MAPK14: variants seen among roughly 807,000 people sequenced by gnomAD.
MAPK14 encodes the protein mitogen-activated protein kinase 14.
MAPK14 carries 16 observed loss-of-function variants against 49.6 expected under a neutral mutation model. The ratio of observed to expected loss-of-function variants is 0.32; its 90% CI spans 0.22 to 0.49. The LOEUF (loss-of-function observed/expected upper bound fraction) is 0.49. Among genes scored for constraint, MAPK14 ranks in the 20% least tolerant of loss-of-function variants. The pLI is 0.99. For synonymous variants in MAPK14, 142 were observed against 158.0 expected (o/e 0.90, Z 0.76); for missense variants, 200 against 441.2 (o/e 0.45, Z 4.90).
At chr6:36,065,959 G>A (rs902699518) in intron 3 of MAPK14, among the ~76,000 whole-genome samples, 4 of 152,024 alleles carry the variant, frequency 2.6e-5, no homozygotes, top group Admixed American at 6.6e-5. Flanking sequence ...ATTTCTTTTG[G>A]TTTGACTTCT....
intron 8 of MAPK14, 26 bp downstream of exon 8, chr6:36,076,634 T>G (rs200890402): frequency 1.5e-5 from 24 of 1,564,226 alleles, no homozygotes; most frequent in Non-Finnish European, 2.0e-5. Flanking sequence ...TTTTGGATTC[T>G]TGTTTCTTAT....
intron 1 of MAPK14, among the ~76,000 whole-genome samples, chr6:36,031,117 C>T (rs558934506): frequency 2.1e-4 from 32 of 152,276 alleles, no homozygotes; most frequent in African/African-American, 6.0e-4. Context: ...TGGGTTCAAG[C>T]GATTCTCCTG....
At chr6:36,076,122 G>T (rs182704295) in intron 7 of MAPK14, among the ~76,000 whole-genome samples, 160 bp downstream of exon 7, 1 of 152,232 alleles carries the variant, frequency 6.6e-6, no homozygotes, top group Admixed American at 6.5e-5. Context: ...TCCTCAGATG[G>T]GGAAGTGGGG....
At chr6:36,029,485 A>G (rs1339725325) in intron 1 of MAPK14, among the ~76,000 whole-genome samples, 1 of 152,230 alleles carries the variant, frequency 6.6e-6, no homozygotes, top group Non-Finnish European at 1.5e-5. Context: ...TAAACTAAGT[A>G]TCAGATTTAA....
chr6:36,104,724 T>G (rs569162009), intron 10 of MAPK14, among the ~76,000 whole-genome samples: 1 of 152,330 alleles, frequency 6.6e-6, no homozygotes. Context: ...GTTCTGAAGT[T>G]GTTTCATTTT....
chr6:36,093,176 T>C (rs924420287), intron 8 of MAPK14, among the ~76,000 whole-genome samples: 1 of 152,102 alleles, frequency 6.6e-6, no homozygotes, highest in Non-Finnish European at 1.5e-5. Flanking sequence ...CTGGAATATC[T>C]GATGTGAGTT....
At chr6:36,094,399 A>G (rs1765368150) in intron 8 of MAPK14, among the ~76,000 whole-genome samples, 1 of 152,244 alleles carries the variant, frequency 6.6e-6, no homozygotes. Flanking sequence ...TAGACTGTAC[A>G]TAAATGAATG....
At chr6:36,029,145 T>C (rs1039135321) in intron 1 of MAPK14, 1 of 152,166 alleles carries the variant, frequency 6.6e-6, no homozygotes, top group African/African-American at 2.4e-5. Flanking sequence ...CAAAAAGTTA[T>C]TAACAGTGCT....
intron 2 of MAPK14, among the ~76,000 whole-genome samples, chr6:36,054,245 T>C (rs1431825714): frequency 1.3e-5 from 2 of 152,182 alleles, no homozygotes; most frequent in Non-Finnish European, 2.9e-5. Context: ...TTTGCAAGTA[T>C]AAAGGATATT....
At chr6:36,096,198 G>A in intron 9 of MAPK14, 132 bp downstream of exon 9, 1 of 644,408 alleles carries the variant, frequency 1.6e-6, no homozygotes, top group South Asian at 1.8e-5. Flanking sequence ...GGATGAGTGA[G>A]GTATAAGACA....
chr6:36,034,415 A>G (rs1212166318), intron 1 of MAPK14, among the ~76,000 whole-genome samples: 1 of 152,240 alleles, frequency 6.6e-6, no homozygotes, highest in Non-Finnish European at 1.5e-5. Flanking sequence ...GGATATAAAT[A>G]GAAATAACTG....
intron 1 of MAPK14, among the ~76,000 whole-genome samples, chr6:36,039,058 T>A (rs910485633): frequency 6.6e-6 from 1 of 152,192 alleles, no homozygotes; most frequent in African/African-American, 2.4e-5. Context: ...GTCATTAATG[T>A]CTTAGCTTTG....
intron 1 of MAPK14, among the ~76,000 whole-genome samples, chr6:36,046,849 T>C (rs1234283357): frequency 6.6e-6 from 1 of 152,216 alleles, no homozygotes; most frequent in Non-Finnish European, 1.5e-5. Context: ...CTTCCCCAGT[T>C]AATTGAACTT....
At chr6:36,058,625 G>A (rs545574722) in intron 2 of MAPK14, among the ~76,000 whole-genome samples, 3 of 152,134 alleles carry the variant, frequency 2.0e-5, no homozygotes, top group South Asian at 2.1e-4. Context: ...GTGGCTGGCC[G>A]TGGTGGCTCA....
At chr6:36,072,101 A>C (rs1021374952) in intron 3 of MAPK14, among the ~76,000 whole-genome samples, 8 of 152,130 alleles carry the variant, frequency 5.3e-5, no homozygotes, top group African/African-American at 1.9e-4. Context: ...TTGGGAGGCT[A>C]AATTGGGAGG....
chr6:36,100,642 G>A (rs1765603537), intron 9 of MAPK14, among the ~76,000 whole-genome samples: 1 of 152,008 alleles, frequency 6.6e-6, no homozygotes, highest in South Asian at 2.1e-4. Context: ...TTTTTTTAAT[G>A]ACCAAAAGAG....
chr6:36,084,915 G>A (rs149079376), intron 8 of MAPK14, among the ~76,000 whole-genome samples: 22 of 149,550 alleles, frequency 1.5e-4, no homozygotes, highest in Non-Finnish European at 3.1e-4. Context: ...AAATACTAAG[G>A]GCAGCCAGAG....
intron 3 of MAPK14, among the ~76,000 whole-genome samples, chr6:36,069,002 G>A (rs568271414): frequency 6.6e-6 from 1 of 152,302 alleles, no homozygotes; most frequent in East Asian, 1.9e-4. Flanking sequence ...TCAGCTTTTA[G>A]CCTAATAAAG....
intron 11 of MAPK14, 67 bp from the exon 12 acceptor site, chr6:36,108,313 C>CA (rs1359913017): frequency 2.5e-6 from 3 of 1,198,402 alleles, no homozygotes; most frequent in African/African-American, 3.0e-5. Context: ...GCTTAGAAGT[C>CA]AGAGTGCTTG....
Sources: allele counts gnomAD v4.1 joint callset (sites outside exome capture counted in the v4.1 genomes callset), GRCh38; gene constraint gnomAD v4.1.1; transcripts MANE v1.5; gene names NCBI Gene and HGNC (gene_info 2026-07-23, HGNC 2026-07-21).